The following DDI2 variants were observed in gnomAD, a reference collection of about 807,000 sequenced individuals.
DDI2 encodes DDI proteasomal shuttling factor 2.
Under a neutral mutation model 48.1 loss-of-function variants are expected in DDI2, and 5 were observed. The ratio of observed to expected loss-of-function variants is 0.10; its 90% CI spans 0.05 to 0.22. DDI2 has a LOEUF of 0.22. Ranked by LOEUF, DDI2 falls within the 10% of genes least tolerant of loss-of-function variation. The pLI is 1.00. For missense variants in DDI2, 285 were observed against 506.2 expected (o/e 0.56, Z 4.19); for synonymous variants, 205 against 183.6 (o/e 1.12, Z -0.94).
intron 8 of DDI2, 199 bp from the exon 9 acceptor site, chr1:15,656,418 C>T (rs1640274613): frequency 7.0e-7 from 1 of 1,420,962 alleles, no homozygotes. Flanking sequence ...TTGAAATTAA[C>T]AGATTGCTGT....
At position 15,643,556 on chromosome 1, in the gene DDI2, A is replaced by G; in HGVS notation, c.795A>G (p.Ala265=). Reference sequence around the variant, plus strand: ...TGACTATCATGAGCCAAGCTTGTGCAGAAAGGTGTAACATAATGAGACTGG... The same window carrying G: ...TGACTATCATGAGCCAAGCTTGTGCGGAAAGGTGTAACATAATGAGACTGG... ...AQMTIMSQAC[A]ERCNIMRLVD... Residue 265 remains alanine, a synonymous_variant, in exon 6 of 10, where the codon GCA becomes GCG. Coordinates refer to ENST00000480945, the MANE Select transcript of DDI2 (RefSeq NM_032341.5). The G allele has an allele frequency of 6.2e-7, 1 of 1,614,152 alleles. No individual in the cohort carries two copies. The highest frequency in any genetic ancestry group is 8.5e-7 in the Non-Finnish European group (1 of 1,180,034).
chr1:15,660,862 C>T lies in DDI2; in HGVS notation c.*1072C>T. The T allele has an allele frequency of 1.9e-6, 3 of 1,614,162 alleles. No individual in the cohort carries two copies. The highest frequency in any genetic ancestry group is 1.7e-6 in the Non-Finnish European group (2 of 1,180,034). ...TAAAGAATATGGCCATTACTCCTCT[C>T]CAAGTCTCTGTGGCAGTTGTCAGCC... On this transcript the variant is annotated 3_prime_UTR_variant, in exon 10 of 10. Coordinates refer to ENST00000480945, the MANE Select transcript of DDI2 (RefSeq NM_032341.5).
chr1:15,654,333 A>G (rs1482980601), intron 8 of DDI2, among the ~76,000 whole-genome samples: 1 of 152,144 alleles, frequency 6.6e-6, no homozygotes, highest in Non-Finnish European at 1.5e-5. Context: ...CAACTCCATC[A>G]CCTTTTGGCT....
intron 8 of DDI2, among the ~76,000 whole-genome samples, chr1:15,652,792 C>G (rs2103478868): frequency 6.6e-6 from 1 of 151,020 alleles, no homozygotes; most frequent in South Asian, 2.1e-4. Flanking sequence ...CACTGCACTC[C>G]AGCCTGGGTA....
intron 9 of DDI2, among the ~76,000 whole-genome samples, chr1:15,657,444 G>A (rs1385523292): frequency 6.6e-6 from 1 of 152,056 alleles, no homozygotes; most frequent in African/African-American, 2.4e-5. Context: ...TTAAAAGCAG[G>A]CATAGTTGAA....
intron 9 of DDI2, among the ~76,000 whole-genome samples, chr1:15,658,149 A>T (rs895915701): frequency 2.0e-5 from 3 of 151,642 alleles, no homozygotes; most frequent in East Asian, 1.9e-4. Flanking sequence ...TTTATTTTTT[A>T]TTATTATTAT....
chr1:15,617,650 G>C lies in DDI2; in HGVS notation c.-21G>C. 1 of 1,409,910 alleles carries C rather than the reference G, an allele frequency of 7.1e-7. No homozygotes were observed. Among genetic ancestry groups the C allele is most frequent in the Non-Finnish European group, 9.4e-7 (1 of 1,068,588 alleles). The allele number at this position is 1,409,910 out of a possible 1,614,324, so 87.3% of individuals were successfully genotyped here. On this transcript the variant is annotated 5_prime_UTR_variant, in exon 1 of 10. Transcript: ENST00000480945. The stretch of plus-strand genomic sequence containing the variant: ...CGCCCAGGCCGGGCCGAGCCGAGCC[G>C]AGCCGGGTCGGGCCCGGGCCATGCT...
In DDI2 at chr1:15,638,442, CTCTG is replaced by C. The variant is rs770601713; in HGVS notation, c.760+12_760+15del. The C allele has an allele frequency of 6.2e-7, 1 of 1,610,750 alleles. No individual in the cohort carries two copies. The highest frequency in any genetic ancestry group is 1.3e-5 in the African/African-American group (1 of 74,630). ...AAGCCTTTGTTGACTCAGGTGACGT[CTCTG>C]TCTTTTATTTCTTGGTCTCCCCTCC... is the stretch of plus-strand genomic sequence containing the variant. On this transcript the variant is annotated intron_variant, in intron 5 of 9. Transcript: ENST00000480945.
intron 9 of DDI2, among the ~76,000 whole-genome samples, chr1:15,659,520 G>T (rs1349468171): frequency 6.6e-6 from 1 of 152,142 alleles, no homozygotes; most frequent in East Asian, 1.9e-4. Context: ...GACTAGACTA[G>T]GGAATAAAGA....
chr1:15,625,765 C>T (rs968598195), intron 1 of DDI2, among the ~76,000 whole-genome samples: 26 of 152,120 alleles, frequency 1.7e-4, no homozygotes, highest in Non-Finnish European at 2.9e-4. Context: ...ATTACAGGCA[C>T]GTGCCACGAC....
At chr1:15,657,461 T>TTA (rs1640289065) in intron 9 of DDI2, among the ~76,000 whole-genome samples, 1 of 152,242 alleles carries the variant, frequency 6.6e-6, no homozygotes, top group Admixed American at 6.5e-5. Context: ...TGAATTATTC[T>TTA]TAATATCCAC....
chr1:15,639,007 A>C lies in DDI2; in HGVS notation c.760+573A>C, dbSNP rs575065104. Among the ~76,000 whole-genome samples, 3 of 152,298 alleles carry C rather than the reference A, an allele frequency of 2.0e-5. No homozygotes were observed. The East Asian group carries it at 5.8e-4, about 29-fold the overall frequency. ...AACTGGGAATACATAGGTTTAGAAG[A>C]AGGAGCTATAAAAGGAGCTGTGTAG... On this transcript the variant is annotated intron_variant, in intron 5 of 9. Coordinates refer to ENST00000480945, the MANE Select transcript of DDI2 (RefSeq NM_032341.5).
chr1:15,658,995 T>G (rs1640316840), intron 9 of DDI2, among the ~76,000 whole-genome samples: 1 of 152,220 alleles, frequency 6.6e-6, no homozygotes, highest in Non-Finnish European at 1.5e-5. Context: ...CTTAACTTAG[T>G]TGCACACTAT....
intron 1 of DDI2, among the ~76,000 whole-genome samples, chr1:15,623,270 A>G (rs2103460817): frequency 6.6e-6 from 1 of 152,198 alleles, no homozygotes; most frequent in South Asian, 2.1e-4. Flanking sequence ...AGTACTTGTT[A>G]AAATCACCCA....
rs1640478987 is a variant in DDI2 at position 15,667,877 on chromosome 1, G to T, written c.*8087G>T. On this transcript the variant is annotated 3_prime_UTR_variant, in exon 10 of 10. Coordinates refer to ENST00000480945, the MANE Select transcript of DDI2 (RefSeq NM_032341.5). ...CTGTAGAATGTGAAAAGATACAGCT[G>T]AGCTGACAAGTTTTAGGGCACTATC... is the stretch of plus-strand genomic sequence containing the variant. The T allele has an allele frequency of 6.6e-6, 1 of 152,158 alleles. No individual in the cohort carries two copies. Among genetic ancestry groups the T allele is most frequent in the Non-Finnish European group, 1.5e-5 (1 of 68,028 alleles). 9.4% of individuals were successfully genotyped at this position (152,158 alleles called of 1,614,324 possible). A position where few individuals can be genotyped will look rare whatever the true frequency, so the allele number is the denominator to read the frequency against.
intron 5 of DDI2, among the ~76,000 whole-genome samples, chr1:15,640,674 C>G (rs532243386): frequency 4.6e-4 from 70 of 152,310 alleles, no homozygotes; most frequent in Non-Finnish European, 8.2e-4. Context: ...ACTTTAATAA[C>G]TTGGCTTTTG....
chr1:15,633,322 A>T, intron 3 of DDI2, 117 bp from the exon 4 acceptor site: 1 of 1,165,994 alleles, frequency 8.6e-7, no homozygotes, highest in South Asian at 1.5e-5. Context: ...AATAAGCTTT[A>T]GGCATCCTCT....
intron 8 of DDI2, 177 bp from the exon 9 acceptor site, chr1:15,656,440 G>A (rs1640274804): frequency 6.8e-7 from 1 of 1,478,410 alleles, no homozygotes; most frequent in African/African-American, 1.4e-5. Context: ...TGTATTGTGA[G>A]AGAATGGAAG....
At position 15,631,809 on chromosome 1, in the gene DDI2, GT is replaced by G. The variant is rs1032781501; in HGVS notation, c.505+1259del. ...TGTCTGCTCTTTCGTGTTAGGCTTT[GT>G]TTTTTTTTTTCTTGAGACGGAGTTT... On this transcript the variant is annotated intron_variant, in intron 3 of 9. Coordinates refer to ENST00000480945, the MANE Select transcript of DDI2 (RefSeq NM_032341.5). Among the ~76,000 whole-genome samples, 31 of 146,500 alleles carry G rather than the reference GT, an allele frequency of 2.1e-4. 1 individual carries two copies. The highest frequency in any genetic ancestry group is 2.0e-4 in the East Asian group (1 of 5,038).
Sources: allele counts gnomAD v4.1 joint callset (sites outside exome capture counted in the v4.1 genomes callset), GRCh38; gene constraint gnomAD v4.1.1; transcripts MANE v1.5; gene names NCBI Gene and HGNC (gene_info 2026-07-23, HGNC 2026-07-21).